The following HNRNPAB variants were observed in gnomAD, a reference collection of about 807,000 sequenced individuals.
The protein encoded by HNRNPAB is heterogeneous nuclear ribonucleoprotein A/B.
Under a neutral mutation model 44.1 loss-of-function variants are expected in HNRNPAB, and 17 were observed. The observed-to-expected ratio is 0.39, with a 90% CI of 0.26 to 0.58. HNRNPAB has a LOEUF of 0.58. Ranked by LOEUF, HNRNPAB falls within the 20% of genes least tolerant of loss-of-function variation. HNRNPAB has a pLI of 0.63. For synonymous variants in HNRNPAB, 183 were observed against 167.6 expected, an observed-to-expected ratio of 1.09 and a Z score of -0.71; for missense variants, 393 against 432.7, an observed-to-expected ratio of 0.91 and a Z score of 0.81.
intron 2 of HNRNPAB, 90 bp downstream of exon 2, chr5:178,205,136 C>T: frequency 1.0e-6 from 1 of 1,001,880 alleles, no homozygotes; most frequent in Non-Finnish European, 1.3e-6. Context: ...GGGCGGCGGC[C>T]TGGCCCGGGT....
chr5:178,209,516 G>GAA, intron 6 of HNRNPAB, 69 bp downstream of exon 6: 2 of 1,366,164 alleles, frequency 1.5e-6, no homozygotes, highest in Non-Finnish European at 2.1e-6. Context: ...GCCTGTCTTG[G>GAA]GGCTCCCTCT....
chr5:178,209,496 A>C, intron 6 of HNRNPAB, 49 bp downstream of exon 6: 1 of 1,496,570 alleles, frequency 6.7e-7, no homozygotes, highest in Non-Finnish European at 9.3e-7. Context: ...GCCTACATGG[A>C]GCCTTCCAAG....
In HNRNPAB at chr5:178,204,859, C is replaced by T. The variant is rs1456250119; in HGVS notation, c.22C>T (p.Gln8Ter). 2 of 1,217,548 alleles carry T rather than the reference C, an allele frequency of 1.6e-6. No individual in the cohort carries two copies. The highest frequency in any genetic ancestry group is 2.0e-6 in the Non-Finnish European group (2 of 979,190). 75.4% of individuals were successfully genotyped at this position (1,217,548 alleles called of 1,614,324 possible). MSEAGEE[Q>*]PMETTGATEN... ...TAGCATGTCGGAAGCGGGCGAGGAGCAGCCCATGGAGACGACGGGCGCCAC... is the reference window on the plus strand; with the variant it reads ...TAGCATGTCGGAAGCGGGCGAGGAGTAGCCCATGGAGACGACGGGCGCCAC... The change falls in exon 2 of 8, where the codon CAG (glutamine) becomes TAG (stop). Residue 8 changes from glutamine to a stop codon, truncating the protein, a stop_gained. Coordinates refer to ENST00000358344, the MANE Select transcript of HNRNPAB (RefSeq NM_031266.3). LOFTEE classifies it high-confidence loss of function.
chr5:178,210,754 C>T lies in HNRNPAB; in HGVS notation c.*131C>T. 1 of 729,134 alleles carries T rather than the reference C, an allele frequency of 1.4e-6. No homozygotes were observed. Among genetic ancestry groups the T allele is most frequent in the Non-Finnish European group, 2.4e-6 (1 of 416,354 alleles). The allele number at this position is 729,134 out of a possible 1,614,324, so 45.2% of individuals were successfully genotyped here. A position where few individuals can be genotyped will look rare whatever the true frequency, so the allele number is the denominator to read the frequency against. On this transcript the variant is annotated 3_prime_UTR_variant, in exon 8 of 8. Coordinates refer to ENST00000358344, the MANE Select transcript of HNRNPAB (RefSeq NM_031266.3). ...CCATGTGCATCTTATTTAAAATTTC[C>T]CCCATGGAAATCACTCTCCTGTTGA...
At chr5:178,205,265 G>T (rs1176925023) in intron 2 of HNRNPAB, among the ~76,000 whole-genome samples, 1 of 151,012 alleles carries the variant, frequency 6.6e-6, no homozygotes, top group African/African-American at 2.4e-5. Flanking sequence ...CCCCGGGGCC[G>T]CTCGCGCGCT....
In HNRNPAB at chr5:178,210,180, G is replaced by A. The variant is rs768470923; in HGVS notation, c.836G>A (p.Gly279Asp). The A allele has an allele frequency of 6.2e-7, 1 of 1,613,736 alleles. No homozygotes were observed. Among genetic ancestry groups the A allele is most frequent in the East Asian group, 2.2e-5 (1 of 44,886 alleles). Residue 279 changes from glycine to aspartate, a missense_variant, in exon 7 of 8, where the codon GGC (glycine) becomes GAC (aspartate). Around this residue, in one of 3 missense-constraint regions of HNRNPAB, gnomAD observed 210 missense variants for 196.9 expected, o/e 1.07. Coordinates refer to ENST00000358344, the MANE Select transcript of HNRNPAB (RefSeq NM_031266.3). ...NQGYGNYWNQ[G>D]YGYQQGYGPG... Reference sequence around the variant, plus strand: ...GGCTACGGCAACTACTGGAACCAGGGCTACGGCTACCAGCAGGGCTACGGG... The same window carrying A: ...GGCTACGGCAACTACTGGAACCAGGACTACGGCTACCAGCAGGGCTACGGG...
intron 4 of HNRNPAB, 82 bp downstream of exon 4, chr5:178,206,972 AC>A: frequency 6.3e-7 from 1 of 1,591,486 alleles, no homozygotes; most frequent in Non-Finnish European, 8.6e-7. Flanking sequence ...GGCTGGCTAG[AC>A]CCTCCCAGGC....
intron 5 of HNRNPAB, among the ~76,000 whole-genome samples, chr5:178,208,240 A>G (rs998158866): frequency 7.2e-5 from 11 of 152,184 alleles, no homozygotes; most frequent in Non-Finnish European, 1.3e-4. Flanking sequence ...TGGCAGCCAG[A>G]TAAGGTGGGA....
intron 5 of HNRNPAB, 142 bp from the exon 6 acceptor site, chr5:178,209,188 G>C (rs1757382554): frequency 2.8e-6 from 2 of 719,782 alleles, no homozygotes; most frequent in Admixed American, 4.2e-5. Flanking sequence ...TTAGCCCAAA[G>C]GTGGCCTCCC....
chr5:178,206,153 C>A, intron 3 of HNRNPAB, 143 bp downstream of exon 3: 1 of 750,624 alleles, frequency 1.3e-6, no homozygotes, highest in Non-Finnish European at 2.2e-6. Flanking sequence ...AGGTTATGTT[C>A]CGGTTTTTGA....
At position 178,211,060 on chromosome 5, in the gene HNRNPAB, G is replaced by A. The variant is rs759624713; in HGVS notation, c.*437G>A. ...TTTACTGTACTTTTTGGTACCTTTT[G>A]GGAATCTAATGTATTGTAAGGTATT... On this transcript the variant is annotated 3_prime_UTR_variant, in exon 8 of 8. Transcript: ENST00000358344. 3 of 190,782 alleles carry A rather than the reference G, an allele frequency of 1.6e-5. No individual in the cohort carries two copies. Among genetic ancestry groups the A allele is most frequent in the Admixed American group, 5.6e-5 (1 of 17,950 alleles). 11.8% of individuals were successfully genotyped at this position (190,782 alleles called of 1,614,324 possible).
chr5:178,209,960 C>T (rs1034131389), intron 6 of HNRNPAB, among the ~76,000 whole-genome samples, 172 bp from the exon 7 acceptor site: 12 of 145,626 alleles, frequency 8.2e-5, no homozygotes, highest in Admixed American at 7.0e-5. Flanking sequence ...CTGCTTGGGT[C>T]TCTCAGATGC....
chr5:178,207,185 A>T lies in HNRNPAB; in HGVS notation c.629A>T (p.Lys210Met). Residue 210 changes from lysine to methionine, a missense_variant, in exon 5 of 8, where the codon AAG becomes ATG. Coordinates refer to ENST00000358344, the MANE Select transcript of HNRNPAB (RefSeq NM_031266.3). ...TTTAAAGAAGAAGAACCCGTGAAGAAGGTTCTGGAGAAAAAGTTCCATACT... is the reference window on the plus strand; with the variant it reads ...TTTAAAGAAGAAGAACCCGTGAAGATGGTTCTGGAGAAAAAGTTCCATACT... The part of the protein sequence containing the change: ...ITFKEEEPVK[K>M]VLEKKFHTVS... 2 of 1,614,226 alleles carry T rather than the reference A, an allele frequency of 1.2e-6. No homozygotes were observed. The highest frequency in any genetic ancestry group is 1.7e-6 in the Non-Finnish European group (2 of 1,180,026).
At chr5:178,205,656 G>T (rs898425676) in intron 2 of HNRNPAB, 186 bp from the exon 3 acceptor site, 4 of 586,906 alleles carry the variant, frequency 6.8e-6, no homozygotes, top group Middle Eastern at 4.6e-4. Flanking sequence ...GCCTTGTTAA[G>T]CCTCGTTAGG....
intron 7 of HNRNPAB, 99 bp from the exon 8 acceptor site, chr5:178,210,454 T>G: frequency 6.7e-7 from 1 of 1,489,692 alleles, no homozygotes; most frequent in Non-Finnish European, 9.3e-7. Flanking sequence ...CAGTCTCTGC[T>G]GTCACGGCTG....
Position 178,210,803 on chromosome 5 carries a change from T to A in HNRNPAB, c.*180T>A. The A allele has an allele frequency of 3.2e-6, 2 of 621,466 alleles. No individual in the cohort carries two copies. The highest frequency in any genetic ancestry group is 5.6e-5 in the East Asian group (2 of 35,876). 38.5% of individuals were successfully genotyped at this position (621,466 alleles called of 1,614,324 possible). On this transcript the variant is annotated 3_prime_UTR_variant, in exon 8 of 8. Coordinates refer to ENST00000358344, the MANE Select transcript of HNRNPAB (RefSeq NM_031266.3). ...GACTATTTCCAGAGCTCTAGGTGTT[T>A]AGGCAGCGTGTGGTGTCTGAGAGGC...
chr5:178,206,906 G>C lies in HNRNPAB; in HGVS notation c.537+16G>C. 1 of 1,613,656 alleles carries C rather than the reference G, an allele frequency of 6.2e-7. No individual in the cohort carries two copies. ...GTTTGGGGAGGTGAGTGTGGCTCTG[G>C]GAATAGCCCATCAGCTGCCCCTAAG... On this transcript the variant is annotated intron_variant, in intron 4 of 7. Transcript: ENST00000358344.
chr5:178,206,825 G>C lies in HNRNPAB; in HGVS notation c.472G>C (p.Val158Leu), dbSNP rs776137124. The change falls in exon 4 of 8, where the codon GTT (valine) becomes CTT (leucine). Residue 158 changes from valine to leucine, a missense_variant. Val to Leu is a conservative substitution (Grantham distance 32). This residue lies in a region of HNRNPAB where 102 missense variants were observed against 162.3 expected (regional missense o/e 0.63). Transcript: ENST00000358344. ...GAAGGACCCGGTGAAGAAAATCTTC[G>C]TTGGGGGTCTGAATCCTGAAGCCAC... Reference protein sequence around the residue: ...MKKDPVKKIFVGGLNPEATEE... With the variant: ...MKKDPVKKIFLGGLNPEATEE... The C allele has an allele frequency of 4.3e-6, 7 of 1,614,052 alleles. No individual in the cohort carries two copies. The highest frequency in any genetic ancestry group is 1.3e-5 in the African/African-American group (1 of 74,930).
intron 5 of HNRNPAB, among the ~76,000 whole-genome samples, chr5:178,209,082 G>C (rs1757354433): frequency 6.6e-6 from 1 of 152,216 alleles, no homozygotes; most frequent in Non-Finnish European, 1.5e-5. Context: ...ATTAGATACG[G>C]AGTTGCTCTG....
Sources: gnomAD v4.1 joint callset for allele counts (sites outside exome capture counted in the v4.1 genomes callset) on GRCh38, gnomAD v4.1.1 for gene constraint, gnomAD v4.1.1 regional missense constraint, MANE v1.5 for transcripts, NCBI Gene and HGNC (gene_info 2026-07-23, HGNC 2026-07-21) for gene names.